The following MPRIP variants were observed in gnomAD, a reference collection of about 807,000 sequenced individuals.
MPRIP encodes myosin phosphatase Rho interacting protein.
Under a neutral mutation model 234.9 loss-of-function variants are expected in MPRIP, and 59 were observed. That is an observed-to-expected ratio of 0.25 (90% confidence interval 0.20 to 0.31). MPRIP has a LOEUF of 0.31. Among genes scored for constraint, MPRIP ranks in the 10% least tolerant of loss-of-function variants. The probability of loss-of-function intolerance (pLI) is 1.00; values close to 1 mark genes in which losing one functional copy is unlikely to be tolerated. For synonymous variants in MPRIP, 1,144 were observed against 1,263.9 expected, an observed-to-expected ratio of 0.91 and a Z score of 2.01; for missense variants, 2,436 against 3,071.0, an observed-to-expected ratio of 0.79 and a Z score of 4.89.
chr17:17,152,238 C>T (rs1269695658), intron 12 of MPRIP, among the ~76,000 whole-genome samples: 1 of 152,234 alleles, frequency 6.6e-6, no homozygotes, highest in African/African-American at 2.4e-5. Flanking sequence ...TTTCAAGGCT[C>T]CTCTGTCCTC....
intron 22 of MPRIP, among the ~76,000 whole-genome samples, chr17:17,177,921 C>T (rs1052810097): frequency 1.5e-5 from 2 of 129,530 alleles, no homozygotes; most frequent in African/African-American, 5.8e-5. Context: ...TCAGCTCATA[C>T]GTAATTTTTT....
At position 17,158,688 on chromosome 17, in the gene MPRIP, C is replaced by T. The variant is rs190974068; in HGVS notation, c.2086C>T (p.Pro696Ser). ...THEPLRPEAE[P>S]GELERERARR... Reference sequence around the variant, plus strand: ...CGAGCCCCTGCGCCCTGAGGCGGAGCCTGGGGAGCTGGAGCGGGAGCGTGC... The same window carrying T: ...CGAGCCCCTGCGCCCTGAGGCGGAGTCTGGGGAGCTGGAGCGGGAGCGTGC... The change falls in exon 14 of 24, where the codon CCT (proline) becomes TCT (serine). Residue 696 changes from proline to serine, a missense_variant. Pro to Ser is a moderately conservative substitution (Grantham distance 74). Transcript: ENST00000651222. 3,302 of 1,608,714 alleles carry T rather than the reference C, an allele frequency of 2.1e-3. 17 individuals are homozygous for T. Among genetic ancestry groups the T allele is most frequent in the Middle Eastern group, 3.8e-3 (18 of 4,720 alleles).
intron 2 of MPRIP, among the ~76,000 whole-genome samples, chr17:17,076,722 A>G (rs4247117): frequency 0.99 from 150,616 of 152,256 alleles, 74,510 homozygotes; most frequent in East Asian, 1. Flanking sequence ...CAGACAGGAG[A>G]ACTCAGGCAT....
chr17:17,131,753 G>C (rs746501408), intron 5 of MPRIP, 52 bp downstream of exon 5: 1 of 1,535,226 alleles, frequency 6.5e-7, no homozygotes, highest in Admixed American at 1.7e-5. Flanking sequence ...CAGGGCTTGG[G>C]AAGAAGTGAG....
chr17:17,078,040 C>T lies in MPRIP; in HGVS notation c.231C>T (p.Tyr77=), dbSNP rs770071686. ...GGCAGCGACGGTTCTTCATCCTTTA[C>T]GAGCACGGCCTCTTGCGCTACGCCC... ...RKWQRRFFIL[Y]EHGLLRYALD... Residue 77 remains tyrosine, a synonymous_variant, in exon 3 of 24, where the codon TAC becomes TAT. Transcript: ENST00000651222. This position sits in a 1 kb window ranked among gnomAD's most constrained non-coding sequence, Gnocchi z 4.3. The T allele has an allele frequency of 3.3e-5, 53 of 1,614,160 alleles. No homozygotes were observed. Among genetic ancestry groups the T allele is most frequent in the African/African-American group, 6.7e-5 (5 of 75,054 alleles).
intron 13 of MPRIP, among the ~76,000 whole-genome samples, chr17:17,155,431 A>G (rs60545734): frequency 0.057 from 8,663 of 152,058 alleles, 782 homozygotes; most frequent in African/African-American, 0.19. Flanking sequence ...TTTAGTAGAG[A>G]CGGGATTTCA....
chr17:17,059,636 G>A (rs908941976), intron 1 of MPRIP, among the ~76,000 whole-genome samples: 3 of 152,240 alleles, frequency 2.0e-5, no homozygotes, highest in African/African-American at 7.2e-5. Context: ...TCCCTGGCAT[G>A]GTGCTGAGTT....
At chr17:17,083,836 C>T (rs1255981951) in intron 3 of MPRIP, among the ~76,000 whole-genome samples, 2 of 152,092 alleles carry the variant, frequency 1.3e-5, no homozygotes, top group Non-Finnish European at 2.9e-5. Flanking sequence ...CTCCGTCTCC[C>T]GGGTTCAAGT....
At chr17:17,047,504 A>G (rs1182832597) in intron 1 of MPRIP, among the ~76,000 whole-genome samples, 3 of 152,304 alleles carry the variant, frequency 2.0e-5, no homozygotes, top group South Asian at 2.1e-4. Context: ...TTTTTAATCT[A>G]TCAGACTTGT....
intron 1 of MPRIP, among the ~76,000 whole-genome samples, chr17:17,065,381 A>G (rs865841333): frequency 1.8e-4 from 20 of 111,782 alleles, no homozygotes; most frequent in African/African-American, 6.0e-4. Context: ...GCTTGAGATG[A>G]TTTTTTTTTT....
intron 3 of MPRIP, among the ~76,000 whole-genome samples, chr17:17,114,748 A>T (rs2144313187): frequency 6.6e-6 from 1 of 151,542 alleles, no homozygotes; most frequent in Middle Eastern, 3.4e-3. Context: ...GGTGGGCCTT[A>T]ACTGGGTGAG....
At chr17:17,073,313 G>T (rs1357447602) in intron 1 of MPRIP, among the ~76,000 whole-genome samples, 2 of 152,224 alleles carry the variant, frequency 1.3e-5, no homozygotes, top group African/African-American at 4.8e-5. Flanking sequence ...CAAAGTGGCT[G>T]CTGCAGGCTC....
At position 17,165,474 on chromosome 17, in the gene MPRIP, G is replaced by C. The variant is rs944702746; in HGVS notation, c.3883G>C (p.Val1295Leu). The C allele has an allele frequency of 7.7e-7, 1 of 1,304,320 alleles. No individual in the cohort carries two copies. 80.8% of individuals were successfully genotyped at this position (1,304,320 alleles called of 1,614,324 possible). A position where few individuals can be genotyped will look rare whatever the true frequency, so the allele number is the denominator to read the frequency against. Reference protein sequence around the residue: ...REDSMVPPKSVEVLDREGHQQ... With the variant: ...REDSMVPPKSLEVLDREGHQQ... Reference sequence around the variant, plus strand: ...AGACAGCATGGTGCCCCCAAAGTCAGTGGAAGTGCTTGACAGGGAGGGCCA... The same window carrying C: ...AGACAGCATGGTGCCCCCAAAGTCACTGGAAGTGCTTGACAGGGAGGGCCA... The change falls in exon 16 of 24, where the codon GTG becomes CTG. Residue 1295 changes from valine (V) to leucine (L), a missense_variant. Physicochemically the swap from Val to Leu is conservative, Grantham distance 32. Transcript: ENST00000651222.
chr17:17,083,627 A>G (rs1020247391), intron 3 of MPRIP, among the ~76,000 whole-genome samples: 6 of 152,226 alleles, frequency 3.9e-5, no homozygotes, highest in Non-Finnish European at 7.4e-5. Flanking sequence ...CCCAGTTCCC[A>G]TTGCTCCCTA....
chr17:17,100,114 C>T (rs774109994), intron 3 of MPRIP, among the ~76,000 whole-genome samples: 13 of 152,152 alleles, frequency 8.5e-5, no homozygotes, highest in Non-Finnish European at 1.5e-4. Flanking sequence ...TATAGCTGTC[C>T]TGGACGGCGG....
chr17:17,180,187 C>A, intron 23 of MPRIP, 99 bp downstream of exon 23: 1 of 1,042,010 alleles, frequency 9.6e-7, no homozygotes, highest in Non-Finnish European at 1.4e-6. Context: ...CCACAGCTGC[C>A]AAAGCCCCAG....
intron 1 of MPRIP, among the ~76,000 whole-genome samples, chr17:17,059,496 GCGCCGCTGCCTTGGGGCC>G (rs2088807647): frequency 6.6e-6 from 1 of 152,212 alleles, no homozygotes; most frequent in Non-Finnish European, 1.5e-5. Context: ...GTTCCAGGCT[GCGCCGCTGCCTTGGGGCC>G]TGCTCGGCTG....
chr17:17,143,626 G>C lies in MPRIP; in HGVS notation c.1460G>C (p.Arg487Thr). 1.2e-6 allele frequency: 2 copies of C among 1,606,850 alleles called. No homozygotes were observed. Among genetic ancestry groups the C allele is most frequent in the Non-Finnish European group, 8.5e-7 (1 of 1,177,012 alleles). ...ASASPLSPHR[R>T]AKSLDRRSTE... Reference sequence around the variant, plus strand: ...GCTTCCCCCCTGTCTCCACACCGAAGAGCCAAGTCACTGGACAGGAGGTCC... The same window carrying C: ...GCTTCCCCCCTGTCTCCACACCGAACAGCCAAGTCACTGGACAGGAGGTCC... The change falls in exon 9 of 24, where the codon AGA becomes ACA. Residue 487 changes from arginine to threonine, a missense_variant. By Grantham distance (71) the Arg-to-Thr change is moderately conservative. This residue lies in a region of MPRIP where 1,998 missense variants were observed against 2,520.3 expected (regional missense o/e 0.79). Coordinates refer to ENST00000651222, the MANE Select transcript of MPRIP (RefSeq NM_001364716.4).
chr17:17,136,119 C>T, intron 5 of MPRIP, 100 bp from the exon 6 acceptor site: 1 of 1,233,888 alleles, frequency 8.1e-7, no homozygotes, highest in Middle Eastern at 1.9e-4. Flanking sequence ...CATTGTGTAG[C>T]TGGCCCGGGT....
Sources: gnomAD v4.1 joint callset for allele counts (sites outside exome capture counted in the v4.1 genomes callset) on GRCh38, gnomAD v4.1.1 for gene constraint, gnomAD v4.1.1 regional missense constraint, Gnocchi (gnomAD v3.1) non-coding constraint, MANE v1.5 for transcripts, NCBI Gene and HGNC (gene_info 2026-07-23, HGNC 2026-07-21) for gene names.